MNAT1: variants seen among roughly 807,000 people sequenced by gnomAD.
MNAT1 encodes CDK-activating kinase assembly factor MAT1.
Under a neutral mutation model 42.0 loss-of-function variants are expected in MNAT1, and 43 were observed. That is an observed-to-expected ratio of 1.02 (90% CI 0.80 to 1.32). MNAT1 has a LOEUF of 1.32. Ranked by LOEUF, MNAT1 falls within the 40% of genes most tolerant of loss-of-function variation. The probability of loss-of-function intolerance (pLI) is 0.00; values close to 1 mark genes in which losing one functional copy is unlikely to be tolerated. For missense variants in MNAT1, 306 were observed against 350.4 expected (o/e 0.87, Z 1.01); for synonymous variants, 118 against 120.0 (o/e 0.98, Z 0.11).
At chr14:60,746,720 A>G (rs1214953318) in intron 1 of MNAT1, among the ~76,000 whole-genome samples, 1 of 150,372 alleles carries the variant, frequency 6.7e-6, no homozygotes, top group East Asian at 1.9e-4. Flanking sequence ...AAAAATGACT[A>G]TTAGTGTACT....
chr14:60,867,050 T>A (rs948573126), intron 6 of MNAT1, among the ~76,000 whole-genome samples: 1 of 152,060 alleles, frequency 6.6e-6, no homozygotes, highest in Non-Finnish European at 1.5e-5. Flanking sequence ...GTAAACAGAT[T>A]TTGATGAGTT....
intron 7 of MNAT1, among the ~76,000 whole-genome samples, chr14:60,965,313 A>G (rs976735600): frequency 2.6e-5 from 4 of 152,240 alleles, no homozygotes; most frequent in Non-Finnish European, 5.9e-5. Context: ...AATCATTTAG[A>G]TAAAACTTTT....
intron 6 of MNAT1, among the ~76,000 whole-genome samples, chr14:60,868,626 T>A (rs1244474331): frequency 6.6e-6 from 1 of 152,204 alleles, no homozygotes; most frequent in East Asian, 1.9e-4. Context: ...GGGCAGGGGC[T>A]TGATCTGTTT....
chr14:60,889,565 C>CA (rs763439969), intron 7 of MNAT1, among the ~76,000 whole-genome samples: 25 of 151,578 alleles, frequency 1.6e-4, no homozygotes, highest in South Asian at 4.2e-4. Context: ...TCTAAAACAC[C>CA]AAAAAAAATG....
At chr14:60,900,406 G>C (rs991350356) in intron 7 of MNAT1, among the ~76,000 whole-genome samples, 1 of 152,170 alleles carries the variant, frequency 6.6e-6, no homozygotes, top group Non-Finnish European at 1.5e-5. Flanking sequence ...AGTTTTAGTG[G>C]TCTGGATAGA....
At chr14:60,915,537 C>A (rs1363988971) in intron 7 of MNAT1, among the ~76,000 whole-genome samples, 17 of 152,116 alleles carry the variant, frequency 1.1e-4, no homozygotes, top group Admixed American at 1.1e-3. Context: ...AAAATCTACC[C>A]TATCTAGGGC....
intron 7 of MNAT1, among the ~76,000 whole-genome samples, chr14:60,902,667 C>G (rs1292110264): frequency 6.6e-6 from 1 of 152,034 alleles, no homozygotes; most frequent in Non-Finnish European, 1.5e-5. Context: ...GGGATTGTAC[C>G]TGGAATTTAA....
At chr14:60,964,006 G>A (rs1370042142) in intron 7 of MNAT1, among the ~76,000 whole-genome samples, 1 of 152,110 alleles carries the variant, frequency 6.6e-6, no homozygotes, top group Non-Finnish European at 1.5e-5. Flanking sequence ...GCACTAAAAC[G>A]AGCTGAGTCC....
chr14:60,885,987 A>G (rs1016960453), intron 7 of MNAT1, among the ~76,000 whole-genome samples: 2 of 151,984 alleles, frequency 1.3e-5, no homozygotes, highest in Non-Finnish European at 2.9e-5. Context: ...GTATGTGTAT[A>G]GTTCTCTCAG....
chr14:60,759,310 C>T (rs1285028315), intron 1 of MNAT1, among the ~76,000 whole-genome samples: 1 of 152,222 alleles, frequency 6.6e-6, no homozygotes, highest in African/African-American at 2.4e-5. Flanking sequence ...TCTCTCTCCT[C>T]AGCTTCCAGC....
chr14:60,937,277 T>C (rs2036018708), intron 7 of MNAT1, among the ~76,000 whole-genome samples: 1 of 152,218 alleles, frequency 6.6e-6, no homozygotes, highest in Non-Finnish European at 1.5e-5. Context: ...TTGCTTTTGG[T>C]GTTTTAAACA....
chr14:60,818,495 A>G (rs2032783351), intron 5 of MNAT1, among the ~76,000 whole-genome samples: 1 of 151,998 alleles, frequency 6.6e-6, no homozygotes, highest in Non-Finnish European at 1.5e-5. Flanking sequence ...GGAACTTTTA[A>G]TGTGGATTTT....
chr14:60,780,081 G>A (rs1006022403), intron 1 of MNAT1: 13 of 1,461,364 alleles, frequency 8.9e-6, no homozygotes, highest in African/African-American at 4.2e-5. Context: ...TTATATCAGC[G>A]TGGCATTTAT....
intron 1 of MNAT1, among the ~76,000 whole-genome samples, chr14:60,788,572 T>C (rs1268307964): frequency 1.3e-5 from 2 of 152,204 alleles, no homozygotes; most frequent in African/African-American, 4.8e-5. Flanking sequence ...GAAGGATGTT[T>C]CATCTGCATT....
At chr14:60,768,945 A>G (rs1334123643) in intron 1 of MNAT1, among the ~76,000 whole-genome samples, 1 of 152,210 alleles carries the variant, frequency 6.6e-6, no homozygotes, top group South Asian at 2.1e-4. Flanking sequence ...TAAGATTATA[A>G]TGTTGAGTTT....
chr14:60,936,344 A>T (rs2035996207), intron 7 of MNAT1, among the ~76,000 whole-genome samples: 1 of 151,278 alleles, frequency 6.6e-6, no homozygotes, highest in African/African-American at 2.4e-5. Flanking sequence ...TCATCATTTA[A>T]CATTAGGTAT....
chr14:60,769,568 G>A (rs2030973961), intron 1 of MNAT1, among the ~76,000 whole-genome samples: 1 of 152,020 alleles, frequency 6.6e-6, no homozygotes, highest in African/African-American at 2.4e-5. Context: ...ATAGGTGTGA[G>A]CCACTGCACC....
chr14:60,900,309 A>T (rs2035048122), intron 7 of MNAT1, among the ~76,000 whole-genome samples: 1 of 152,202 alleles, frequency 6.6e-6, no homozygotes, highest in East Asian at 1.9e-4. Context: ...ATGCAGAGGA[A>T]AAGTTCTTAA....
chr14:60,784,796 A>G (rs2031590245), intron 1 of MNAT1, among the ~76,000 whole-genome samples: 1 of 151,854 alleles, frequency 6.6e-6, no homozygotes, highest in African/African-American at 2.4e-5. Context: ...AGTTTCTGGA[A>G]AGTGTAAGAA....
Sources: gnomAD v4.1 joint callset for allele counts (sites outside exome capture counted in the v4.1 genomes callset) on GRCh38, gnomAD v4.1.1 for gene constraint, MANE v1.5 for transcripts, NCBI Gene and HGNC (gene_info 2026-07-23, HGNC 2026-07-21) for gene names.